The following CAMKMT variants were observed in gnomAD, a reference collection of about 807,000 sequenced individuals.
CAMKMT encodes calmodulin-lysine N-methyltransferase.
A neutral mutation model predicts 48.0 loss-of-function variants in CAMKMT; 53 were observed. The ratio of observed to expected loss-of-function variants is 1.10; its 90% CI spans 0.89 to 1.39. CAMKMT has a LOEUF of 1.39. Among genes scored for constraint, CAMKMT ranks in the 40% most tolerant of loss-of-function variants. The pLI is 0.00. For synonymous variants in CAMKMT, 165 were observed against 152.3 expected (o/e 1.08, Z -0.61); for missense variants, 428 against 402.7 (o/e 1.06, Z -0.54).
In CAMKMT at chr2:44,448,247, A is replaced by C. The variant is rs144762332; in HGVS notation, c.376+57942A>C. ...CTTACGCACGGGTTTGCATCTGGGG[A>C]ATGTTGTATTTTCCATCTGCCTTTA... is the stretch of plus-strand genomic sequence containing the variant. On this transcript the variant is annotated intron_variant, in intron 3 of 10. Coordinates refer to ENST00000378494, the MANE Select transcript of CAMKMT (RefSeq NM_024766.5). Among the ~76,000 whole-genome samples the C allele has an allele frequency of 3.3e-3, 495 of 152,284 alleles. 2 individuals are homozygous for C. Among genetic ancestry groups the C allele is most frequent in the African/African-American group, 0.011 (458 of 41,568 alleles).
chr2:44,436,373 G>A (rs184963768), intron 3 of CAMKMT, among the ~76,000 whole-genome samples: 1 of 151,936 alleles, frequency 6.6e-6, no homozygotes, highest in Non-Finnish European at 1.5e-5. Flanking sequence ...CCCCTGGTCC[G>A]GCCAAACTCA....
intron 3 of CAMKMT, among the ~76,000 whole-genome samples, chr2:44,394,429 A>G (rs1482304665): frequency 7.2e-6 from 1 of 139,598 alleles, no homozygotes; most frequent in Non-Finnish European, 1.6e-5. Flanking sequence ...AAGACTGACC[A>G]GGATTTTTTT....
intron 3 of CAMKMT, among the ~76,000 whole-genome samples, chr2:44,685,684 T>G (rs1259817506): frequency 6.6e-6 from 1 of 152,208 alleles, no homozygotes; most frequent in Non-Finnish European, 1.5e-5. Context: ...TAATGACCTC[T>G]GACTTCTTTG....
intron 3 of CAMKMT, among the ~76,000 whole-genome samples, chr2:44,539,714 A>G (rs1384898917): frequency 1.3e-5 from 2 of 151,884 alleles, no homozygotes; most frequent in South Asian, 2.1e-4. Context: ...GAGGCCAGTT[A>G]TTTTGTTGAA....
chr2:44,579,233 T>C (rs1669407653), intron 3 of CAMKMT, among the ~76,000 whole-genome samples: 1 of 151,532 alleles, frequency 6.6e-6, no homozygotes, highest in Non-Finnish European at 1.5e-5. Context: ...AATGTTCTAT[T>C]TTTTTTTTGG....
intron 3 of CAMKMT, among the ~76,000 whole-genome samples, chr2:44,649,344 A>G (rs1572993537): frequency 6.6e-6 from 1 of 152,132 alleles, no homozygotes; most frequent in East Asian, 1.9e-4. Context: ...ACTAAGATGA[A>G]AAAACAGGGA....
intron 3 of CAMKMT, among the ~76,000 whole-genome samples, chr2:44,566,006 G>A (rs1188151987): frequency 6.6e-6 from 1 of 152,160 alleles, no homozygotes; most frequent in Non-Finnish European, 1.5e-5. Context: ...AAATTAGATG[G>A]CGCTAAAAAG....
chr2:44,632,326 A>G (rs2103972060), intron 3 of CAMKMT, among the ~76,000 whole-genome samples: 1 of 152,316 alleles, frequency 6.6e-6, no homozygotes, highest in Non-Finnish European at 1.5e-5. Flanking sequence ...CAATGAACAT[A>G]GAATACTGAG....
At chr2:44,662,519 CA>C (rs1446520020) in intron 3 of CAMKMT, among the ~76,000 whole-genome samples, 1 of 152,168 alleles carries the variant, frequency 6.6e-6, no homozygotes, top group Non-Finnish European at 1.5e-5. Context: ...CGTGCACATT[CA>C]AAACTGAATC....
intron 3 of CAMKMT, among the ~76,000 whole-genome samples, chr2:44,683,630 C>T (rs914412498): frequency 1.3e-5 from 2 of 151,946 alleles, no homozygotes; most frequent in African/African-American, 2.4e-5. Context: ...ACCATCCTGG[C>T]TAACACAGTG....
chr2:44,550,891 A>C (rs1339731467), intron 3 of CAMKMT: 1 of 152,250 alleles, frequency 6.6e-6, no homozygotes, highest in Non-Finnish European at 1.5e-5. Flanking sequence ...ATATCTTCAT[A>C]GAGACTGCCG....
chr2:44,605,057 CT>C (rs1671207739), intron 3 of CAMKMT, among the ~76,000 whole-genome samples: 1 of 152,086 alleles, frequency 6.6e-6, no homozygotes, highest in Non-Finnish European at 1.5e-5. Flanking sequence ...TTTTTCTCAC[CT>C]TCTGTCTGTC....
chr2:44,755,342 C>T (rs1268491453), intron 9 of CAMKMT, among the ~76,000 whole-genome samples: 1 of 152,110 alleles, frequency 6.6e-6, no homozygotes, highest in Non-Finnish European at 1.5e-5. Flanking sequence ...AAGTTGAGGA[C>T]AGAAGAAGGA....
intron 3 of CAMKMT, among the ~76,000 whole-genome samples, chr2:44,637,035 A>G (rs1050741046): frequency 4.6e-5 from 7 of 152,156 alleles, no homozygotes; most frequent in South Asian, 2.1e-4. Context: ...GTAAGAGGGG[A>G]AAAAAAATGG....
intron 3 of CAMKMT, among the ~76,000 whole-genome samples, chr2:44,402,281 A>G (rs946580770): frequency 3.0e-5 from 4 of 135,180 alleles, no homozygotes; most frequent in South Asian, 2.6e-4. Context: ...GTGAGCCAAT[A>G]TCGCACCATT....
intron 3 of CAMKMT, among the ~76,000 whole-genome samples, chr2:44,642,299 G>A (rs893791418): frequency 1.6e-4 from 24 of 152,164 alleles, no homozygotes; most frequent in African/African-American, 5.8e-4. Context: ...AATGGGTGGA[G>A]AGAAGATAAG....
At chr2:44,719,442 A>G (rs1184824646) in intron 7 of CAMKMT, among the ~76,000 whole-genome samples, 1 of 152,148 alleles carries the variant, frequency 6.6e-6, no homozygotes, top group African/African-American at 2.4e-5. Flanking sequence ...GATGCTAGAG[A>G]TGGAGTGGTA....
chr2:44,715,215 T>C, intron 6 of CAMKMT, 72 bp from the exon 7 acceptor site: 1 of 836,060 alleles, frequency 1.2e-6, no homozygotes. Context: ...AAAAAAAAGA[T>C]AACTGTTTCT....
At chr2:44,495,572 A>G (rs1669714883) in intron 3 of CAMKMT, among the ~76,000 whole-genome samples, 1 of 152,260 alleles carries the variant, frequency 6.6e-6, no homozygotes, top group Non-Finnish European at 1.5e-5. Flanking sequence ...AATTCTGGTA[A>G]TCTAACTTTG....
Sources: allele counts gnomAD v4.1 joint callset (sites outside exome capture counted in the v4.1 genomes callset), GRCh38; gene constraint gnomAD v4.1.1; transcripts MANE v1.5; gene names NCBI Gene and HGNC (gene_info 2026-07-23, HGNC 2026-07-21).